ADGRL2: variants seen among roughly 807,000 people sequenced by gnomAD.
ADGRL2 encodes calcium-independent alpha-latrotoxin receptor 2.
A neutral mutation model predicts 157.4 loss-of-function variants in ADGRL2; 44 were observed. That is an observed-to-expected ratio of 0.28 (90% confidence interval 0.22 to 0.36). The LOEUF is 0.36. ADGRL2 is among the 10% of genes least tolerant of loss of function. The pLI, the probability that ADGRL2 is intolerant of heterozygous loss-of-function variation, is 1.00. For missense variants in ADGRL2, 1,510 were observed against 1,768.9 expected, an observed-to-expected ratio of 0.85 and a Z score of 2.63; for synonymous variants, 585 against 624.7, an observed-to-expected ratio of 0.94 and a Z score of 0.95.
At chr1:81,731,958 C>T (rs1049461538) in intron 1 of ADGRL2, among the ~76,000 whole-genome samples, 2 of 152,164 alleles carry the variant, frequency 1.3e-5, no homozygotes, top group Admixed American at 6.5e-5. Flanking sequence ...TTATGCTATC[C>T]AAACATTGTT....
intron 3 of ADGRL2, among the ~76,000 whole-genome samples, chr1:81,914,432 G>T (rs1300767606): frequency 1.3e-5 from 2 of 152,012 alleles, no homozygotes; most frequent in African/African-American, 4.8e-5. Flanking sequence ...GAATTATTAT[G>T]AATGCTTACT....
chr1:81,883,240 T>TA (rs1282777642), intron 2 of ADGRL2, among the ~76,000 whole-genome samples: 3 of 152,200 alleles, frequency 2.0e-5, no homozygotes, highest in African/African-American at 4.8e-5. Flanking sequence ...GAGAATTTTT[T>TA]AAAAAATTAT....
At chr1:81,680,183 T>C (rs986362649) in intron 3 of ADGRL2, among the ~76,000 whole-genome samples, 3 of 152,190 alleles carry the variant, frequency 2.0e-5, no homozygotes, top group African/African-American at 7.2e-5. Context: ...CACTGCCAGA[T>C]CGGCAGCCCT....
intron 1 of ADGRL2, among the ~76,000 whole-genome samples, chr1:81,438,894 C>T (rs1405166312): frequency 6.6e-6 from 1 of 152,092 alleles, no homozygotes; most frequent in Non-Finnish European, 1.5e-5. Context: ...TCCTTGAATC[C>T]CCCAAGTTCC....
intron 1 of ADGRL2, among the ~76,000 whole-genome samples, chr1:81,326,139 CAACTA>C (rs1009963421): frequency 1.3e-5 from 2 of 152,152 alleles, no homozygotes; most frequent in Non-Finnish European, 2.9e-5. Flanking sequence ...ATCAGCCACA[CAACTA>C]AGCATCCCAT....
chr1:81,337,417 C>T (rs994122871), intron 1 of ADGRL2, among the ~76,000 whole-genome samples: 3 of 152,166 alleles, frequency 2.0e-5, no homozygotes, highest in African/African-American at 4.8e-5. Flanking sequence ...TCATCCCAGA[C>T]CCTGCACTCG....
intron 2 of ADGRL2, among the ~76,000 whole-genome samples, chr1:81,791,065 T>G (rs1345166455): frequency 8.4e-5 from 1 of 11,934 alleles, no homozygotes; most frequent in Non-Finnish European, 1.8e-4. Context: ...AGACCCTATC[T>G]CAAAAAAAAA....
chr1:81,986,751 C>T (rs368850183), intron 21 of ADGRL2, 150 bp from the exon 22 acceptor site: 3 of 685,738 alleles, frequency 4.4e-6, no homozygotes, highest in African/African-American at 3.7e-5. Context: ...AGTTCAAATA[C>T]AGTCAGAACA....
intron 10 of ADGRL2, among the ~76,000 whole-genome samples, chr1:81,955,252 G>A (rs192426216): frequency 1.3e-4 from 20 of 151,980 alleles, no homozygotes; most frequent in African/African-American, 3.9e-4. Flanking sequence ...ATGAATTAAA[G>A]TATATGCTCA....
intron 3 of ADGRL2, among the ~76,000 whole-genome samples, chr1:81,676,912 A>G (rs2148938026): frequency 6.9e-6 from 1 of 145,510 alleles, no homozygotes; most frequent in Middle Eastern, 4.5e-3. Flanking sequence ...GATGTTCTCG[A>G]TCTCCTGACC....
At chr1:81,433,347 C>T (rs1348176311) in intron 1 of ADGRL2, among the ~76,000 whole-genome samples, 1 of 152,090 alleles carries the variant, frequency 6.6e-6, no homozygotes, top group Non-Finnish European at 1.5e-5. Context: ...GATTCCAATC[C>T]ACAAAAGGTC....
intron 1 of ADGRL2, among the ~76,000 whole-genome samples, chr1:81,703,634 C>T (rs1208216098): frequency 1.3e-5 from 2 of 151,526 alleles, no homozygotes; most frequent in Non-Finnish European, 2.9e-5. Context: ...TATTCTCGTA[C>T]CGAAGAAAAG....
intron 2 of ADGRL2, among the ~76,000 whole-genome samples, chr1:81,530,834 C>T (rs541445417): frequency 4.6e-5 from 7 of 152,110 alleles, no homozygotes; most frequent in African/African-American, 1.7e-4. Context: ...CCTGTAATTC[C>T]AGCACTTTGG....
chr1:81,898,160 TA>T (rs2151565943), intron 2 of ADGRL2, among the ~76,000 whole-genome samples: 1 of 152,298 alleles, frequency 6.6e-6, no homozygotes, highest in East Asian at 1.9e-4. Flanking sequence ...CACATAAAAC[TA>T]AGGCATATCA....
intron 2 of ADGRL2, among the ~76,000 whole-genome samples, chr1:81,556,405 A>G (rs1392569783): frequency 7.7e-6 from 1 of 129,894 alleles, no homozygotes; most frequent in Non-Finnish European, 1.5e-5. Flanking sequence ...TGCAACCTCC[A>G]CCTCCTGGGT....
At chr1:81,576,993 C>A (rs2080810512) in intron 2 of ADGRL2, among the ~76,000 whole-genome samples, 2 of 152,134 alleles carry the variant, frequency 1.3e-5, no homozygotes, top group South Asian at 4.1e-4. Flanking sequence ...TTTCTATAAG[C>A]AATCTCTTGA....
At chr1:81,399,215 A>C (rs952964757) in intron 1 of ADGRL2, among the ~76,000 whole-genome samples, 18 of 152,138 alleles carry the variant, frequency 1.2e-4, no homozygotes, top group Admixed American at 6.5e-4. Context: ...TGAGGACAAC[A>C]AGGGGGAAAT....
chr1:81,752,686 G>A (rs576293382), intron 1 of ADGRL2, among the ~76,000 whole-genome samples: 29 of 152,234 alleles, frequency 1.9e-4, no homozygotes, highest in African/African-American at 6.7e-4. Context: ...ACCACACCTG[G>A]CTAATTTTTG....
rs557830329 is a variant in ADGRL2, at chr1:81,532,435, T to A, written c.-247-48441T>A. 5.3e-5 allele frequency among the ~76,000 whole-genome samples: 8 copies of A among 152,280 alleles called. No homozygotes were observed. In the South Asian group the frequency reaches 1.7e-3, roughly 32 times the overall value. ...TTTTTTTTAACTTCTATTCTCTCAG[T>A]ATCTGCTGAGTATGAATATAAACGT... On this transcript the variant is annotated intron_variant, in intron 2 of 24. Transcript: ENST00000370721.
Sources: allele counts gnomAD v4.1 joint callset (sites outside exome capture counted in the v4.1 genomes callset), GRCh38; gene constraint gnomAD v4.1.1; transcripts MANE v1.5; gene names NCBI Gene and HGNC (gene_info 2026-07-23, HGNC 2026-07-21).